Variants in CSMD1 observed in about 807,000 individuals in gnomAD.
CSMD1 encodes CUB and sushi domain-containing protein 1.
CSMD1 carries 213 observed loss-of-function variants against 417.5 expected under a neutral mutation model. That is an observed-to-expected ratio of 0.51 (90% CI 0.46 to 0.57). CSMD1 has a LOEUF of 0.57. Ranked by LOEUF, CSMD1 falls within the 20% of genes least tolerant of loss-of-function variation. The pLI is 0.00. For missense variants in CSMD1, 6,923 were observed against 4,529.7 expected (o/e 1.53, Z -15.17); for synonymous variants, 2,862 against 1,736.8 (o/e 1.65, Z -16.11).
intron 1 of CSMD1, among the ~76,000 whole-genome samples, chr8:4,680,415 C>T (rs114611638): frequency 0.015 from 2,318 of 152,216 alleles, 62 homozygotes; most frequent in African/African-American, 0.054. Flanking sequence ...ATTTCCTTCA[C>T]CCTTTGAAAC....
intron 5 of CSMD1, among the ~76,000 whole-genome samples, chr8:3,893,883 T>G (rs946025503): frequency 6.6e-6 from 1 of 152,062 alleles, no homozygotes. Flanking sequence ...GGTTGGAGAT[T>G]TAAGATGTTA....
At chr8:3,867,045 T>A (rs971533262) in intron 5 of CSMD1, among the ~76,000 whole-genome samples, 1 of 152,332 alleles carries the variant, frequency 6.6e-6, no homozygotes, top group East Asian at 1.9e-4. Flanking sequence ...ACTTGTAGAA[T>A]TGCTATTTAG....
chr8:4,741,288 A>G (rs1296079762), intron 1 of CSMD1, among the ~76,000 whole-genome samples: 1 of 152,194 alleles, frequency 6.6e-6, no homozygotes, highest in Non-Finnish European at 1.5e-5. Context: ...TTATATCACA[A>G]TGAAGATCCT....
At chr8:4,187,858 T>G (rs556949532) in intron 3 of CSMD1, among the ~76,000 whole-genome samples, 5 of 152,188 alleles carry the variant, frequency 3.3e-5, no homozygotes, top group South Asian at 4.2e-4. Flanking sequence ...ATAGGCAGTT[T>G]TATACTTTTA....
intron 5 of CSMD1, among the ~76,000 whole-genome samples, chr8:3,765,425 G>A (rs987202691): frequency 3.3e-5 from 5 of 152,154 alleles, no homozygotes; most frequent in Non-Finnish European, 7.3e-5. Context: ...AGGCTTCCCT[G>A]GAAGTTACTG....
In CSMD1 at chr8:3,274,396, T is replaced by C. The variant is rs1222690564; in HGVS notation, c.4153+9748A>G. Among the ~76,000 whole-genome samples the C allele has an allele frequency of 6.6e-5, 10 of 152,288 alleles. No individual in the cohort carries two copies. The East Asian group carries it at 1.7e-3, about 26-fold the overall frequency. On this transcript the variant is annotated intron_variant, in intron 26 of 69. Coordinates refer to ENST00000635120, the MANE Select transcript of CSMD1 (RefSeq NM_033225.6). ...GTGTGGTGTGGTGCTGAAAAAAATGTATATTCTGTTGATTTGGGGTGGAGA... is the reference window on the plus strand; with the variant it reads ...GTGTGGTGTGGTGCTGAAAAAAATGCATATTCTGTTGATTTGGGGTGGAGA...
chr8:3,835,788 T>A (rs573134643), intron 5 of CSMD1, among the ~76,000 whole-genome samples: 1 of 152,026 alleles, frequency 6.6e-6, no homozygotes, highest in Non-Finnish European at 1.5e-5. Context: ...CTCTGGGTGA[T>A]TGTGTGAGTT....
At chr8:4,732,016 G>T (rs534709279) in intron 1 of CSMD1, among the ~76,000 whole-genome samples, 2 of 152,240 alleles carry the variant, frequency 1.3e-5, no homozygotes, top group East Asian at 3.9e-4. Context: ...GAAGACTGAG[G>T]AGCCAGTGTT....
At chr8:3,349,438 G>C (rs117507643) in intron 21 of CSMD1, among the ~76,000 whole-genome samples, 2,469 of 152,140 alleles carry the variant, frequency 0.016, 32 homozygotes, top group Non-Finnish European at 0.025. Flanking sequence ...GGAAGGGTGT[G>C]AGGAGAAAGT....
intron 2 of CSMD1, among the ~76,000 whole-genome samples, chr8:4,615,123 A>C (rs1296350033): frequency 1.3e-5 from 2 of 152,190 alleles, no homozygotes; most frequent in Non-Finnish European, 2.9e-5. Context: ...GACACAAAAT[A>C]AGTGGGGCAC....
At chr8:3,449,145 T>C (rs923791238) in intron 12 of CSMD1, among the ~76,000 whole-genome samples, 1 of 152,230 alleles carries the variant, frequency 6.6e-6, no homozygotes, top group Non-Finnish European at 1.5e-5. Flanking sequence ...ACACTTAATC[T>C]TTGAGTTTGC....
At chr8:3,534,774 T>C (rs558987833) in intron 10 of CSMD1, among the ~76,000 whole-genome samples, 2 of 152,328 alleles carry the variant, frequency 1.3e-5, no homozygotes, top group Admixed American at 6.5e-5. Context: ...AAGCTAAGAT[T>C]ACTTTATTTC....
chr8:4,577,101 T>A (rs1002576075), intron 2 of CSMD1, among the ~76,000 whole-genome samples: 3 of 152,192 alleles, frequency 2.0e-5, no homozygotes, highest in Non-Finnish European at 2.9e-5. Context: ...TACACACACA[T>A]ATATAACGTG....
At chr8:3,996,130 A>G (rs1815194554) in intron 5 of CSMD1, among the ~76,000 whole-genome samples, 1 of 152,332 alleles carries the variant, frequency 6.6e-6, no homozygotes, top group Admixed American at 6.5e-5. Context: ...TTTCTTTGGC[A>G]AAAGCTGCCA....
intron 5 of CSMD1, among the ~76,000 whole-genome samples, chr8:3,860,311 C>G (rs1804611692): frequency 1.3e-5 from 2 of 152,046 alleles, no homozygotes; most frequent in African/African-American, 4.8e-5. Flanking sequence ...AAACAAAGAT[C>G]TTTTAGAATT....
intron 2 of CSMD1, among the ~76,000 whole-genome samples, chr8:4,524,921 C>A (rs527432697): frequency 1.3e-5 from 2 of 152,188 alleles, no homozygotes; most frequent in South Asian, 4.2e-4. Context: ...AACAGCATTG[C>A]CACATTCAAA....
intron 7 of CSMD1, among the ~76,000 whole-genome samples, chr8:3,673,776 G>A (rs977365050): frequency 1.3e-5 from 2 of 152,172 alleles, no homozygotes; most frequent in South Asian, 2.1e-4. Context: ...AAGCATGAAG[G>A]TGCAAACCTA....
At chr8:4,573,261 T>C (rs1271698592) in intron 2 of CSMD1, among the ~76,000 whole-genome samples, 1 of 152,222 alleles carries the variant, frequency 6.6e-6, no homozygotes, top group South Asian at 2.1e-4. Context: ...TGGATTTATC[T>C]ACCTTTGATC....
intron 6 of CSMD1, among the ~76,000 whole-genome samples, chr8:3,721,091 G>A (rs926241486): frequency 2.6e-5 from 4 of 152,080 alleles, no homozygotes; most frequent in Non-Finnish European, 5.9e-5. Flanking sequence ...CCAAAGTGCT[G>A]GGATTACAGG....
Sources: gnomAD v4.1 joint callset for allele counts (sites outside exome capture counted in the v4.1 genomes callset) on GRCh38, gnomAD v4.1.1 for gene constraint, MANE v1.5 for transcripts, NCBI Gene and HGNC (gene_info 2026-07-23, HGNC 2026-07-21) for gene names.